PRKG1: variants seen among roughly 807,000 people sequenced by gnomAD.
PRKG1 encodes protein kinase cGMP-dependent 1, also known as cGMP-dependent protein kinase 1.
Under a neutral mutation model 88.1 loss-of-function variants are expected in PRKG1, and 35 were observed. That is an observed-to-expected ratio of 0.40 (90% CI 0.30 to 0.53). The LOEUF (loss-of-function observed/expected upper bound fraction) is 0.53. Ranked by LOEUF, PRKG1 falls within the 20% of genes least tolerant of loss-of-function variation. The probability of loss-of-function intolerance (pLI) is 0.59; values close to 1 mark genes in which losing one functional copy is unlikely to be tolerated. For synonymous variants in PRKG1, 303 were observed against 292.5 expected (o/e 1.04, Z -0.37); for missense variants, 540 against 839.8 (o/e 0.64, Z 4.41).
chr10:51,101,451 G>A (rs1169647244), intron 1 of PRKG1, among the ~76,000 whole-genome samples: 2 of 152,144 alleles, frequency 1.3e-5, no homozygotes, highest in African/African-American at 2.4e-5. Flanking sequence ...TGTTATGGCA[G>A]CCCAAGAAGA....
chr10:52,159,764 A>G (rs1353056440), intron 8 of PRKG1, among the ~76,000 whole-genome samples: 2 of 151,862 alleles, frequency 1.3e-5, no homozygotes, highest in African/African-American at 4.8e-5. Flanking sequence ...GAAGGAAGAC[A>G]GGATTTTTTT....
At chr10:52,163,513 T>C (rs1838338791) in intron 9 of PRKG1, among the ~76,000 whole-genome samples, 1 of 152,064 alleles carries the variant, frequency 6.6e-6, no homozygotes, top group Non-Finnish European at 1.5e-5. Flanking sequence ...TTTTTGCTGC[T>C]TCCCTATTAA....
intron 3 of PRKG1, among the ~76,000 whole-genome samples, chr10:51,499,362 C>A (rs2132889496): frequency 6.6e-6 from 1 of 152,180 alleles, no homozygotes; most frequent in South Asian, 2.1e-4. Context: ...GTAAAATAAC[C>A]AAAACATCAG....
chr10:52,188,540 G>A (rs1009822800), intron 9 of PRKG1, among the ~76,000 whole-genome samples: 8 of 151,154 alleles, frequency 5.3e-5, no homozygotes, highest in African/African-American at 1.9e-4. Flanking sequence ...ATATCTTAAT[G>A]TGCATTGGAA....
chr10:51,247,312 T>C (rs1839317122), intron 2 of PRKG1, among the ~76,000 whole-genome samples: 1 of 151,960 alleles, frequency 6.6e-6, no homozygotes, highest in Admixed American at 6.6e-5. Context: ...CATTTGTTAC[T>C]CAAAAATGCA....
intron 9 of PRKG1, among the ~76,000 whole-genome samples, chr10:52,181,775 A>C (rs1839039243): frequency 1.3e-5 from 1 of 77,146 alleles, no homozygotes; most frequent in Non-Finnish European, 2.5e-5. Context: ...ATCATCTTTT[A>C]TGGCTGCATA....
intron 3 of PRKG1, among the ~76,000 whole-genome samples, chr10:51,761,689 G>A (rs563782103): frequency 3.3e-5 from 5 of 151,964 alleles, no homozygotes; most frequent in East Asian, 1.9e-4. Flanking sequence ...TTCTTTCATC[G>A]GAATTTATTT....
At chr10:51,456,504 G>GA (rs200494477) in intron 2 of PRKG1, among the ~76,000 whole-genome samples, 72 of 146,498 alleles carry the variant, frequency 4.9e-4, no homozygotes, top group African/African-American at 1.1e-3. Context: ...AATAACATAG[G>GA]AAAAAAAAAC....
chr10:52,260,752 T>C (rs2132415182), intron 10 of PRKG1, among the ~76,000 whole-genome samples: 1 of 152,188 alleles, frequency 6.6e-6, no homozygotes, highest in South Asian at 2.1e-4. Context: ...GGTAATAAAA[T>C]TCTGTAAATA....
intron 9 of PRKG1, among the ~76,000 whole-genome samples, chr10:52,223,788 C>T (rs1840311835): frequency 6.6e-6 from 1 of 152,108 alleles, no homozygotes; most frequent in African/African-American, 2.4e-5. Context: ...AAAAGAACTC[C>T]ATCCTTCCCA....
chr10:51,755,981 G>C (rs982865635), intron 3 of PRKG1, among the ~76,000 whole-genome samples: 1 of 152,050 alleles, frequency 6.6e-6, no homozygotes, highest in Non-Finnish European at 1.5e-5. Context: ...TGCATTTATC[G>C]TTATTTAAAG....
intron 17 of PRKG1, among the ~76,000 whole-genome samples, chr10:52,291,626 C>A (rs1046435137): frequency 1.3e-5 from 2 of 152,084 alleles, no homozygotes; most frequent in Admixed American, 1.3e-4. Context: ...TGTATACGTG[C>A]CACATTTTCT....
At chr10:51,875,650 C>G (rs916484555) in intron 4 of PRKG1, among the ~76,000 whole-genome samples, 1 of 152,104 alleles carries the variant, frequency 6.6e-6, no homozygotes, top group Non-Finnish European at 1.5e-5. Context: ...TTTCGACTTT[C>G]CATGGACATT....
chr10:51,171,813 G>A (rs59686966), intron 2 of PRKG1, among the ~76,000 whole-genome samples: 10,004 of 152,106 alleles, frequency 0.066, 693 homozygotes, highest in African/African-American at 0.17. Context: ...TAAGCCCACT[G>A]TTCCAGCACA....
intron 7 of PRKG1, among the ~76,000 whole-genome samples, chr10:52,073,114 C>A (rs1207069602): frequency 2.0e-5 from 3 of 152,114 alleles, no homozygotes; most frequent in Admixed American, 6.5e-5. Flanking sequence ...TGTCTTGGAG[C>A]TACATCACTT....
intron 8 of PRKG1, among the ~76,000 whole-genome samples, chr10:52,143,185 C>A (rs1415549595): frequency 1.3e-5 from 2 of 152,112 alleles, no homozygotes; most frequent in African/African-American, 4.8e-5. Flanking sequence ...AGAGAGAGCA[C>A]CCAGTGAAGA....
Position 51,467,000 on chromosome 10 carries a change from A to G in PRKG1, c.479-723A>G, listed in dbSNP as rs1242846624. ...GTCTACATAGGTATGACTTTCAAAA[A>G]TATGTATTTTTTTCATTTATCTCAT... On this transcript the variant is annotated intron_variant, in intron 2 of 17. Transcript: ENST00000373980. 2.0e-5 allele frequency among the ~76,000 whole-genome samples: 3 copies of G among 152,062 alleles called. No homozygotes were observed. The East Asian group carries it at 5.8e-4, about 29-fold the overall frequency.
chr10:51,714,671 A>G (rs570145972), intron 3 of PRKG1, among the ~76,000 whole-genome samples: 1 of 152,184 alleles, frequency 6.6e-6, no homozygotes, highest in African/African-American at 2.4e-5. Flanking sequence ...CCCAATGGCC[A>G]TGACACTTTC....
chr10:51,085,548 T>C (rs373568897), intron 1 of PRKG1, among the ~76,000 whole-genome samples: 2 of 152,154 alleles, frequency 1.3e-5, no homozygotes, highest in East Asian at 1.9e-4. Context: ...TTTTGAACTT[T>C]TGGAGGGTAC....
Sources: allele counts gnomAD v4.1 joint callset (sites outside exome capture counted in the v4.1 genomes callset), GRCh38; gene constraint gnomAD v4.1.1; transcripts MANE v1.5; gene names NCBI Gene and HGNC (gene_info 2026-07-23, HGNC 2026-07-21).